Variants in PPARGC1B observed in about 807,000 individuals in gnomAD.
PPARGC1B encodes peroxisome proliferator-activated receptor gamma coactivator 1-beta.
A neutral mutation model predicts 101.6 loss-of-function variants in PPARGC1B; 34 were observed. The ratio of observed to expected loss-of-function variants is 0.33; its 90% CI spans 0.25 to 0.45. The LOEUF is 0.45. Among genes scored for constraint, PPARGC1B ranks in the 20% least tolerant of loss-of-function variants. The pLI is 1.00. For synonymous variants in PPARGC1B, 548 were observed against 539.3 expected (o/e 1.02, Z -0.22); for missense variants, 1,234 against 1,317.6 (o/e 0.94, Z 0.98).
chr5:149,738,575 C>T (rs1477719691), intron 1 of PPARGC1B, among the ~76,000 whole-genome samples: 1 of 152,014 alleles, frequency 6.6e-6, no homozygotes, highest in African/African-American at 2.4e-5. Context: ...AACTTTAAGC[C>T]CCCTCTTGAA....
intron 1 of PPARGC1B, among the ~76,000 whole-genome samples, chr5:149,749,874 G>A (rs1755225546): frequency 1.3e-5 from 2 of 152,168 alleles, no homozygotes; most frequent in African/African-American, 2.4e-5. Context: ...CATGGGGGCT[G>A]TTTTGCTTTG....
intron 1 of PPARGC1B, among the ~76,000 whole-genome samples, chr5:149,747,947 C>T (rs1755148234): frequency 6.6e-6 from 1 of 152,032 alleles, no homozygotes; most frequent in South Asian, 2.1e-4. Flanking sequence ...CCAGGGAGAG[C>T]AGGGTGGGGT....
At chr5:149,737,392 C>T (rs1754757446) in intron 1 of PPARGC1B, among the ~76,000 whole-genome samples, 1 of 152,152 alleles carries the variant, frequency 6.6e-6, no homozygotes, top group Admixed American at 6.5e-5. Flanking sequence ...CAGGAAAACC[C>T]TGAATTTTCC....
chr5:149,757,252 G>A (rs1055367160), intron 1 of PPARGC1B, among the ~76,000 whole-genome samples: 1 of 152,088 alleles, frequency 6.6e-6, no homozygotes, highest in Admixed American at 6.6e-5. Context: ...CAGAGGCATC[G>A]AGTGGCTAAG....
At chr5:149,743,021 T>G (rs56405744) in intron 1 of PPARGC1B, among the ~76,000 whole-genome samples, 17,470 of 152,034 alleles carry the variant, frequency 0.11, 1,337 homozygotes, top group Admixed American at 0.23. Context: ...AGAAGAGGAT[T>G]TATATGGGGA....
rs200734968 is a variant in PPARGC1B, at chr5:149,748,325, C to A, written c.78+17905C>A. ...GATATAGATATAGATATAGATATAT[C>A]TATATATATATATCTCAGTGGGTAG... is the stretch of plus-strand genomic sequence containing the variant. On this transcript the variant is annotated intron_variant, in intron 1 of 11. Coordinates refer to ENST00000309241, the MANE Select transcript of PPARGC1B (RefSeq NM_133263.4). Among the ~76,000 whole-genome samples the A allele has an allele frequency of 7.7e-3, 567 of 73,694 alleles. 4 individuals are homozygous for A. The highest frequency in any genetic ancestry group is 0.029 in the African/African-American group (453 of 15,830). 48.3% of individuals were successfully genotyped at this position (73,694 alleles called of 152,430 possible).
At chr5:149,826,543 G>A (rs1758526631) in intron 2 of PPARGC1B, 130 bp from the exon 3 acceptor site, 1 of 701,400 alleles carries the variant, frequency 1.4e-6, no homozygotes, top group African/African-American at 1.8e-5. Context: ...AGAGGGGAGG[G>A]TATGGCAGGA....
intron 1 of PPARGC1B, among the ~76,000 whole-genome samples, chr5:149,795,445 A>G (rs189756481): frequency 6.6e-6 from 1 of 152,326 alleles, no homozygotes; most frequent in Admixed American, 6.5e-5. Context: ...CTGTTGTTCT[A>G]AATCCCAGAC....
At chr5:149,746,787 T>C (rs1755109282) in intron 1 of PPARGC1B, among the ~76,000 whole-genome samples, 1 of 152,212 alleles carries the variant, frequency 6.6e-6, no homozygotes, top group South Asian at 2.1e-4. Flanking sequence ...TTTCTTTAAA[T>C]AGTAGCCATC....
chr5:149,788,997 G>T (rs1319639602), intron 1 of PPARGC1B, among the ~76,000 whole-genome samples: 1 of 152,174 alleles, frequency 6.6e-6, no homozygotes, highest in Non-Finnish European at 1.5e-5. Context: ...AATGGGGGGT[G>T]CAGCACACCA....
chr5:149,743,445 G>A (rs1403543248), intron 1 of PPARGC1B, among the ~76,000 whole-genome samples: 4 of 152,050 alleles, frequency 2.6e-5, no homozygotes, highest in Admixed American at 6.6e-5. Context: ...GTGAGCCACC[G>A]TGCCCGGCCC....
intron 1 of PPARGC1B, among the ~76,000 whole-genome samples, chr5:149,763,526 G>GTTTT (rs70973540): frequency 2.7e-4 from 18 of 67,726 alleles, no homozygotes; most frequent in African/African-American, 3.0e-4. Context: ...TTCACTCCTG[G>GTTTT]TTTTTTTTTT....
Position 149,820,546 on chromosome 5 carries a change from C to G in PPARGC1B, c.192C>G (p.Cys64Trp), listed in dbSNP as rs749835510. 3.1e-6 allele frequency: 5 copies of G among 1,613,924 alleles called. No individual in the cohort carries two copies. In the Middle Eastern group the frequency reaches 6.6e-4, roughly 213 times the overall value. The change falls in exon 2 of 12, where the codon TGC (cysteine) becomes TGG (tryptophan). Residue 64 changes from cysteine to tryptophan, a missense_variant. By Grantham distance (215) the Cys-to-Trp change is radical. Around this residue, in one of 3 missense-constraint regions of PPARGC1B, gnomAD observed 734 missense variants for 768.4 expected, o/e 0.96. Transcript: ENST00000309241. ...SATCFGELQW[C>W]PENSETEPNQ... ...CCTGCTTTGGGGAGCTGCAGTGGTG[C>G]CCAGAGAACTCAGAGACTGAACCCA...
Position 149,730,382 on chromosome 5 carries a change from C to A in PPARGC1B, c.40C>A (p.Leu14Ile). The A allele has an allele frequency of 6.3e-7, 1 of 1,575,526 alleles. No individual in the cohort carries two copies. Among genetic ancestry groups the A allele is most frequent in the Non-Finnish European group, 8.6e-7 (1 of 1,163,534 alleles). The change falls in exon 1 of 12, where the codon CTC becomes ATC. Residue 14 changes from leucine (L) to isoleucine (I), a missense_variant. Leu to Ile is a conservative substitution (Grantham distance 5). Around this residue, in one of 3 missense-constraint regions of PPARGC1B, gnomAD observed 734 missense variants for 768.4 expected, o/e 0.96. Coordinates refer to ENST00000309241, the MANE Select transcript of PPARGC1B (RefSeq NM_133263.4). This position sits in a 1 kb window ranked among gnomAD's most constrained non-coding sequence, Gnocchi z 4.0. ...NDCGALLDEELSSFFLNYLAD... is the reference protein window; with the variant it reads ...NDCGALLDEEISSFFLNYLAD... Reference sequence around the variant, plus strand: ...CTGCGGCGCGCTGCTGGACGAAGAGCTCTCCTCCTTCTTCCTCAACTATCT... The same window carrying A: ...CTGCGGCGCGCTGCTGGACGAAGAGATCTCCTCCTTCTTCCTCAACTATCT...
chr5:149,783,315 A>G (rs1756662881), intron 1 of PPARGC1B, among the ~76,000 whole-genome samples: 2 of 152,220 alleles, frequency 1.3e-5, no homozygotes, highest in Admixed American at 6.5e-5. Flanking sequence ...ATATCAGAGT[A>G]AAGGGGATCA....
rs1017134953 is a variant in PPARGC1B at position 149,854,935 on chromosome 5, G to A, written c.*7377G>A. 1 of 152,194 alleles carries A rather than the reference G, an allele frequency of 6.6e-6. No homozygotes were observed. Among genetic ancestry groups the A allele is most frequent in the African/African-American group, 2.4e-5 (1 of 41,438 alleles). The allele number at this position is 152,194 out of a possible 1,614,324, so 9.4% of individuals were successfully genotyped here. On this transcript the variant is annotated 3_prime_UTR_variant, in exon 12 of 12. Coordinates refer to ENST00000309241, the MANE Select transcript of PPARGC1B (RefSeq NM_133263.4). ...ATCACAGAAACTGTAGAATCTCTAT[G>A]CTCATGTACTGTAAATAGTGAAGTG...
Position 149,833,243 on chromosome 5 carries a change from G to C in PPARGC1B, c.1170G>C (p.Ser390=). The change falls in exon 5 of 12, where the codon TCG becomes TCC. Residue 390 remains serine (S), a synonymous_variant. Transcript: ENST00000309241. The surrounding 1 kb of genome is among the most constrained non-coding windows in gnomAD (Gnocchi z 4.1). ...AGGCCTCCCCTGGTCGCCCGTCCTC[G>C]GTGGAGGAGGTAAGGATCGCAGCTT... ...DSQASPGRPS[S]VEEVRIAASP... is the part of the protein sequence containing the mutation. 6.2e-7 allele frequency: 1 copy of C among 1,613,336 alleles called. No homozygotes were observed. The highest frequency in any genetic ancestry group is 1.1e-5 in the South Asian group (1 of 91,074).
chr5:149,809,218 A>C (rs868392110), intron 1 of PPARGC1B, among the ~76,000 whole-genome samples: 7 of 21,940 alleles, frequency 3.2e-4, no homozygotes, highest in Non-Finnish European at 4.5e-4. Flanking sequence ...ATAGATAGAT[A>C]GATCCATCTC....
Position 149,849,697 on chromosome 5 carries a change from C to T in PPARGC1B, c.*2139C>T, listed in dbSNP as rs1169283504. 2.6e-5 allele frequency: 4 copies of T among 152,242 alleles called. No homozygotes were observed. The highest frequency in any genetic ancestry group is 9.6e-5 in the African/African-American group (4 of 41,464). The allele number at this position is 152,242 out of a possible 1,614,324, so 9.4% of individuals were successfully genotyped here. A position where few individuals can be genotyped will look rare whatever the true frequency, so the allele number is the denominator to read the frequency against. ...GGCTGGGTTTCATGCTGGCCTATCC[C>T]TGTCTGTGATGTTCCGTTCCATGAG... On this transcript the variant is annotated 3_prime_UTR_variant, in exon 12 of 12. Coordinates refer to ENST00000309241, the MANE Select transcript of PPARGC1B (RefSeq NM_133263.4).
Sources: gnomAD v4.1 joint callset for allele counts (sites outside exome capture counted in the v4.1 genomes callset) on GRCh38, gnomAD v4.1.1 for gene constraint, gnomAD v4.1.1 regional missense constraint, Gnocchi (gnomAD v3.1) non-coding constraint, MANE v1.5 for transcripts, NCBI Gene and HGNC (gene_info 2026-07-23, HGNC 2026-07-21) for gene names.